CDH13: variants seen among roughly 807,000 people sequenced by gnomAD.
CDH13 encodes the protein cadherin 13.
CDH13 carries 24 observed loss-of-function variants against 63.8 expected under a neutral mutation model. The ratio of observed to expected loss-of-function variants is 0.38; its 90% CI spans 0.27 to 0.53. The LOEUF is 0.53. Ranked by LOEUF, CDH13 falls within the 20% of genes least tolerant of loss-of-function variation. The pLI is 0.85. For synonymous variants in CDH13, 503 were observed against 355.3 expected (o/e 1.42, Z -4.67); for missense variants, 1,049 against 903.1 (o/e 1.16, Z -2.07).
intron 2 of CDH13, among the ~76,000 whole-genome samples, chr16:82,990,648 G>C (rs1360698979): frequency 6.6e-6 from 1 of 151,262 alleles, no homozygotes; most frequent in Non-Finnish European, 1.5e-5. Context: ...CTGGGCTCAA[G>C]TGATTCTCCC....
chr16:82,747,677 G>T (rs1489503681), intron 1 of CDH13, among the ~76,000 whole-genome samples: 1 of 151,190 alleles, frequency 6.6e-6, no homozygotes, highest in Non-Finnish European at 1.5e-5. Context: ...TGAATTAGTT[G>T]TTTAAACAGA....
chr16:83,014,283 T>A, intron 2 of CDH13, among the ~76,000 whole-genome samples: 1 of 146,166 alleles, frequency 6.8e-6, no homozygotes, highest in East Asian at 2.0e-4. Flanking sequence ...TTATCAACCG[T>A]TAGCGTGAGG....
chr16:83,187,737 C>T (rs2038570671), intron 4 of CDH13, among the ~76,000 whole-genome samples: 1 of 152,100 alleles, frequency 6.6e-6, no homozygotes, highest in African/African-American at 2.4e-5. Flanking sequence ...CAAGCCCTGT[C>T]CTACAGTCCA....
chr16:82,887,654 C>G (rs2040938412), intron 2 of CDH13, among the ~76,000 whole-genome samples: 1 of 152,170 alleles, frequency 6.6e-6, no homozygotes, highest in Non-Finnish European at 1.5e-5. Context: ...AACCTCATCT[C>G]TATTAAAAAT....
intron 6 of CDH13, among the ~76,000 whole-genome samples, chr16:83,400,979 G>T (rs1420468617): frequency 6.6e-6 from 1 of 152,054 alleles, no homozygotes; most frequent in Admixed American, 6.5e-5. Flanking sequence ...GGAGGTGAAG[G>T]GATCACTTGA....
chr16:83,439,023 A>G (rs74661976), intron 6 of CDH13, among the ~76,000 whole-genome samples: 2,027 of 152,342 alleles, frequency 0.013, 45 homozygotes, highest in African/African-American at 0.046. Context: ...AAACACTATA[A>G]TAATGAGAAA....
At chr16:82,777,122 T>C (rs920881476) in intron 1 of CDH13, among the ~76,000 whole-genome samples, 4 of 152,076 alleles carry the variant, frequency 2.6e-5, no homozygotes, top group Admixed American at 6.6e-5. Flanking sequence ...AGTTTGTTTG[T>C]TTGTTTGTGT....
chr16:83,618,972 C>T (rs972270951), intron 8 of CDH13, among the ~76,000 whole-genome samples: 1 of 152,154 alleles, frequency 6.6e-6, no homozygotes, highest in Non-Finnish European at 1.5e-5. Flanking sequence ...GACTGAGTAT[C>T]AGTTTTTCCA....
intron 2 of CDH13, 108 bp downstream of exon 2, chr16:82,858,581 G>A (rs2039800465): frequency 4.9e-6 from 4 of 823,068 alleles, no homozygotes; most frequent in Non-Finnish European, 8.2e-6. Flanking sequence ...AGTGTTTTCT[G>A]ATTATTTTTC....
intron 6 of CDH13, among the ~76,000 whole-genome samples, chr16:83,452,342 C>T (rs768292065): frequency 1.8e-4 from 22 of 119,860 alleles, no homozygotes; most frequent in Non-Finnish European, 2.9e-4. Context: ...CATTTATTCA[C>T]TCATTTGTTC....
At chr16:83,147,458 T>C (rs2036798878) in intron 4 of CDH13, among the ~76,000 whole-genome samples, 1 of 152,170 alleles carries the variant, frequency 6.6e-6, no homozygotes, top group Admixed American at 6.5e-5. Context: ...TCCAAGCTTC[T>C]CTGTGTGACC....
At chr16:83,078,186 C>A (rs1220738848) in intron 3 of CDH13, among the ~76,000 whole-genome samples, 2 of 152,146 alleles carry the variant, frequency 1.3e-5, no homozygotes, top group Non-Finnish European at 2.9e-5. Context: ...TTGGGGCTTC[C>A]TGTCACTGAG....
intron 6 of CDH13, among the ~76,000 whole-genome samples, chr16:83,448,584 CT>C (rs1300999870): frequency 6.6e-6 from 1 of 152,140 alleles, no homozygotes; most frequent in Non-Finnish European, 1.5e-5. Flanking sequence ...AGAAGAGTGA[CT>C]GGCCCTGTAA....
intron 6 of CDH13, among the ~76,000 whole-genome samples, chr16:83,384,315 A>T (rs1224227792): frequency 1.3e-5 from 2 of 152,058 alleles, no homozygotes; most frequent in Non-Finnish European, 2.9e-5. Flanking sequence ...CCTCTGCCTG[A>T]CTTCCCAGAG....
intron 3 of CDH13, among the ~76,000 whole-genome samples, chr16:83,046,349 A>G (rs542560550): frequency 3.9e-4 from 60 of 152,310 alleles, no homozygotes; most frequent in Non-Finnish European, 6.3e-4. Flanking sequence ...ATCAAAACAT[A>G]AGACAACTGT....
intron 1 of CDH13, chr16:82,844,323 G>A (rs1317607306): frequency 6.6e-6 from 1 of 152,162 alleles, no homozygotes; most frequent in Non-Finnish European, 1.5e-5. Context: ...TCAGCCCTGT[G>A]GCTTCAGACT....
chr16:82,811,030 A>G (rs1365222092), intron 1 of CDH13, among the ~76,000 whole-genome samples: 1 of 152,148 alleles, frequency 6.6e-6, no homozygotes, highest in African/African-American at 2.4e-5. Flanking sequence ...AGGTGCATAG[A>G]TTAAAATATT....
At chr16:82,762,351 G>C (rs1485059080) in intron 1 of CDH13, among the ~76,000 whole-genome samples, 1 of 152,106 alleles carries the variant, frequency 6.6e-6, no homozygotes. Context: ...ATTCAAGCTT[G>C]TACTTCTTGG....
At position 83,059,275 on chromosome 16, in the gene CDH13, G is replaced by C. The variant is rs542539579; in HGVS notation, c.366+27057G>C. Reference sequence around the variant, plus strand: ...AGAGGGACTGGAGCCTTTTTTCCTAGTCTCCCTACTGTCCATGGATTGAGA... The same window carrying C: ...AGAGGGACTGGAGCCTTTTTTCCTACTCTCCCTACTGTCCATGGATTGAGA... On this transcript the variant is annotated intron_variant, in intron 3 of 13. Transcript: ENST00000567109. Among the ~76,000 whole-genome samples the C allele has an allele frequency of 3.3e-5, 5 of 152,160 alleles. No individual in the cohort carries two copies. In the South Asian group the frequency reaches 1.0e-3, roughly 32 times the overall value.
Sources: allele counts gnomAD v4.1 joint callset (sites outside exome capture counted in the v4.1 genomes callset), GRCh38; gene constraint gnomAD v4.1.1; transcripts MANE v1.5; gene names NCBI Gene and HGNC (gene_info 2026-07-23, HGNC 2026-07-21).